The following PEPD variants were observed in gnomAD, a reference collection of about 807,000 sequenced individuals.
PEPD encodes the protein xaa-Pro dipeptidase.
In PEPD, 53 loss-of-function variants were observed where a neutral mutation model predicts 60.7. The observed-to-expected ratio is 0.87, with a 90% CI of 0.70 to 1.10. The LOEUF is 1.10. Ranked by LOEUF, PEPD falls within the 50% of genes least tolerant of loss-of-function variation. PEPD has a pLI of 0.00. For missense variants in PEPD, 711 were observed against 711.9 expected, an observed-to-expected ratio of 1.00 and a Z score of 0.01; for synonymous variants, 267 against 284.1, an observed-to-expected ratio of 0.94 and a Z score of 0.60.
At chr19:33,428,322 G>A (rs2145391975) in intron 9 of PEPD, among the ~76,000 whole-genome samples, 1 of 152,154 alleles carries the variant, frequency 6.6e-6, no homozygotes, top group East Asian at 1.9e-4. Context: ...AGCATACCCC[G>A]AGCTCCCTCT....
Position 33,483,790 on chromosome 19 carries a change from G to A in PEPD, c.504-5700C>T, listed in dbSNP as rs374649641. On this transcript the variant is annotated intron_variant, in intron 6 of 14. Transcript: ENST00000244137. Reference sequence around the variant, plus strand: ...GCACCACTGTACTCCAGCAGCCTGGGCAAGAGTGACTCTTGCCCAGTCTCT... The same window carrying A: ...GCACCACTGTACTCCAGCAGCCTGGACAAGAGTGACTCTTGCCCAGTCTCT... Among the ~76,000 whole-genome samples, 15 of 152,100 alleles carry A rather than the reference G, an allele frequency of 9.9e-5. No individual in the cohort carries two copies. The East Asian group carries it at 2.3e-3, about 24-fold the overall frequency.
intron 9 of PEPD, among the ~76,000 whole-genome samples, chr19:33,434,109 C>T (rs1277179645): frequency 6.6e-5 from 10 of 152,148 alleles, no homozygotes; most frequent in African/African-American, 1.9e-4. Context: ...TGGGATGGTA[C>T]GTGCCTTTCT....
chr19:33,412,998 A>G (rs1968811350), intron 10 of PEPD, among the ~76,000 whole-genome samples: 1 of 152,242 alleles, frequency 6.6e-6, no homozygotes, highest in Non-Finnish European at 1.5e-5. Flanking sequence ...AAGCACACCC[A>G]GCCAGGTGTT....
At chr19:33,463,717 C>T (rs1220836887) in intron 8 of PEPD, among the ~76,000 whole-genome samples, 4 of 152,212 alleles carry the variant, frequency 2.6e-5, no homozygotes, top group Non-Finnish European at 5.9e-5. Flanking sequence ...AGAATTGGGA[C>T]TTTTTGTTGG....
intron 12 of PEPD, among the ~76,000 whole-genome samples, chr19:33,399,873 G>C (rs549818217): frequency 2.0e-5 from 3 of 152,274 alleles, no homozygotes; most frequent in Admixed American, 2.0e-4. Context: ...CCACGGTCCA[G>C]AGCTGGCCAG....
At chr19:33,417,454 C>A (rs11665874) in intron 9 of PEPD, among the ~76,000 whole-genome samples, 1 of 152,186 alleles carries the variant, frequency 6.6e-6, no homozygotes, top group East Asian at 1.9e-4. Flanking sequence ...CTGCTCTGGG[C>A]CCCACATACC....
At chr19:33,434,614 C>G (rs1008487514) in intron 9 of PEPD, among the ~76,000 whole-genome samples, 1 of 151,858 alleles carries the variant, frequency 6.6e-6, no homozygotes, top group Non-Finnish European at 1.5e-5. Flanking sequence ...TCTGGCCTCC[C>G]TTGGTCTCGG....
chr19:33,407,932 C>T (rs1968672194), intron 11 of PEPD, among the ~76,000 whole-genome samples: 1 of 152,158 alleles, frequency 6.6e-6, no homozygotes, highest in Non-Finnish European at 1.5e-5. Flanking sequence ...GGAAGGGGCC[C>T]GGGGGTGGCT....
At position 33,512,623 on chromosome 19, in the gene PEPD, G is replaced by T. The variant is rs1217378904; in HGVS notation, c.171C>A (p.Tyr57Ter). 6.2e-7 allele frequency: 1 copy of T among 1,613,926 alleles called. No homozygotes were observed. Among genetic ancestry groups the T allele is most frequent in the Non-Finnish European group, 8.5e-7 (1 of 1,179,980 alleles). ...VLQGGEETQR[Y>*]CTDTGVLFRQ... ...GGAAGAGGACCCCGGTGTCGGTGCA[G>T]TAGCGCTGAGTCTCCTCCCCGCCCT... The change falls in exon 2 of 15, where the codon TAC becomes TAA. Residue 57 changes from tyrosine to a stop codon, truncating the protein, a stop_gained. Transcript: ENST00000244137. LOFTEE classifies it high-confidence loss of function.
intron 5 of PEPD, among the ~76,000 whole-genome samples, chr19:33,492,791 C>T (rs1203968238): frequency 6.6e-6 from 1 of 152,206 alleles, no homozygotes; most frequent in Admixed American, 6.5e-5. Flanking sequence ...CAGCAGGTCC[C>T]AGGGAGACTC....
intron 3 of PEPD, among the ~76,000 whole-genome samples, chr19:33,505,395 C>T (rs761502970): frequency 6.6e-5 from 10 of 152,090 alleles, no homozygotes; most frequent in Non-Finnish European, 1.2e-4. Context: ...AGCAAGCTTC[C>T]TCACAGGGGC....
chr19:33,444,191 G>C (rs558924296), intron 9 of PEPD, among the ~76,000 whole-genome samples: 20 of 152,276 alleles, frequency 1.3e-4, no homozygotes, highest in African/African-American at 4.3e-4. Flanking sequence ...GCAGGGAGAG[G>C]GGTGCGTGCA....
rs137865809 is a variant in PEPD at position 33,410,492 on chromosome 19, G to C, written c.818+1180C>G. 2.8e-3 allele frequency among the ~76,000 whole-genome samples: 432 copies of C among 152,366 alleles called. 1 individual carries two copies. Among genetic ancestry groups the C allele is most frequent in the African/African-American group, 9.9e-3 (412 of 41,586 alleles). Reference sequence around the variant, plus strand: ...CCTGTCCTTCAGTGGGCATGGCTGGGGACTCTGGGGGGTGGGCTCCCACGA... The same window carrying C: ...CCTGTCCTTCAGTGGGCATGGCTGGCGACTCTGGGGGGTGGGCTCCCACGA... On this transcript the variant is annotated intron_variant, in intron 11 of 14. Coordinates refer to ENST00000244137, the MANE Select transcript of PEPD (RefSeq NM_000285.4).
At chr19:33,447,241 G>A (rs1003402964) in intron 9 of PEPD, among the ~76,000 whole-genome samples, 14 of 152,216 alleles carry the variant, frequency 9.2e-5, no homozygotes, top group African/African-American at 2.9e-4. Context: ...GCACACTCAT[G>A]GAGGGTGGCC....
intron 12 of PEPD, among the ~76,000 whole-genome samples, chr19:33,397,838 G>A (rs1203355339): frequency 6.6e-6 from 1 of 152,206 alleles, no homozygotes; most frequent in Admixed American, 6.5e-5. Context: ...GCAGCACCAC[G>A]GGATGGGAGA....
chr19:33,402,490 G>A (rs1317571289), intron 11 of PEPD, among the ~76,000 whole-genome samples: 1 of 152,206 alleles, frequency 6.6e-6, no homozygotes, highest in Non-Finnish European at 1.5e-5. Flanking sequence ...TGGCTCTGCT[G>A]CAGCTCTGGG....
intron 7 of PEPD, 120 bp downstream of exon 7, chr19:33,477,926 G>T: frequency 1.3e-6 from 1 of 752,040 alleles, no homozygotes; most frequent in South Asian, 1.5e-5. Flanking sequence ...TATGGGAGAA[G>T]GTTCTGGGAA....
At chr19:33,391,587 T>A (rs1600075321) in intron 12 of PEPD, 108 bp from the exon 13 acceptor site, 9 of 1,036,580 alleles carry the variant, frequency 8.7e-6, no homozygotes, top group Non-Finnish European at 1.2e-5. Context: ...TGGGAGGGCC[T>A]GAGGTGGGGG....
chr19:33,411,853 A>C, intron 10 of PEPD, 104 bp from the exon 11 acceptor site: 1 of 746,006 alleles, frequency 1.3e-6, no homozygotes, highest in South Asian at 1.5e-5. Flanking sequence ...CACTGTCCCC[A>C]CCTCCAGCAC....
Sources: gnomAD v4.1 joint callset for allele counts (sites outside exome capture counted in the v4.1 genomes callset) on GRCh38, gnomAD v4.1.1 for gene constraint, MANE v1.5 for transcripts, NCBI Gene and HGNC (gene_info 2026-07-23, HGNC 2026-07-21) for gene names.